Variants in DNAJC1 observed in about 807,000 individuals in gnomAD.
DNAJC1 encodes the protein dnaJ homolog subfamily C member 1.
In DNAJC1, 58 loss-of-function variants were observed where a neutral mutation model predicts 76.6. The observed-to-expected ratio is 0.76, with a 90% confidence interval of 0.61 to 0.94. DNAJC1 has a LOEUF of 0.94. Ranked by LOEUF, DNAJC1 falls within the 40% of genes least tolerant of loss-of-function variation. The probability of loss-of-function intolerance (pLI) is 0.00; values close to 1 mark genes in which losing one functional copy is unlikely to be tolerated. For synonymous variants in DNAJC1, 258 were observed against 267.9 expected, an observed-to-expected ratio of 0.96 and a Z score of 0.36; for missense variants, 689 against 677.3, an observed-to-expected ratio of 1.02 and a Z score of -0.19.
intron 7 of DNAJC1, among the ~76,000 whole-genome samples, chr10:21,885,632 T>A (rs1211143700): frequency 2.0e-5 from 3 of 152,060 alleles, no homozygotes; most frequent in Admixed American, 6.6e-5. Flanking sequence ...AAAACCGTAT[T>A]AAACACACTC....
intron 1 of DNAJC1, among the ~76,000 whole-genome samples, chr10:21,948,260 T>C (rs1312816294): frequency 6.6e-6 from 1 of 152,114 alleles, no homozygotes; most frequent in African/African-American, 2.4e-5. Context: ...CTGGCCCAAC[T>C]TGCAGTCTTG....
intron 9 of DNAJC1, among the ~76,000 whole-genome samples, chr10:21,790,010 T>TAAAAAAAAAAAAAAAAAAAA (rs35639440): frequency 4.4e-4 from 18 of 41,094 alleles, no homozygotes; most frequent in Non-Finnish European, 5.0e-4. Context: ...GCTCTGTCTT[T>TAAAAAAAAAAAAAAAAAAAA]AAAAAAAAAA....
intron 8 of DNAJC1, among the ~76,000 whole-genome samples, chr10:21,819,908 C>A (rs1484015452): frequency 6.6e-6 from 1 of 152,162 alleles, no homozygotes; most frequent in Non-Finnish European, 1.5e-5. Context: ...CCAGCCTGGG[C>A]AATGGAGCAA....
chr10:21,806,257 C>G (rs570670492), intron 8 of DNAJC1, among the ~76,000 whole-genome samples, 158 bp from the exon 9 acceptor site: 1 of 152,264 alleles, frequency 6.6e-6, no homozygotes, highest in Non-Finnish European at 1.5e-5. Flanking sequence ...CTAATAGTTT[C>G]AATAAAGATT....
intron 1 of DNAJC1, among the ~76,000 whole-genome samples, chr10:21,991,738 C>T (rs577354376): frequency 6.6e-6 from 1 of 152,250 alleles, no homozygotes; most frequent in African/African-American, 2.4e-5. Context: ...CATATTTAAG[C>T]ACTTAAAATG....
chr10:21,873,964 T>A (rs927544563), intron 8 of DNAJC1, among the ~76,000 whole-genome samples: 1 of 152,226 alleles, frequency 6.6e-6, no homozygotes, highest in African/African-American at 2.4e-5. Flanking sequence ...TTAATTGTAA[T>A]CCCTAGAGAA....
chr10:21,758,172 T>C (rs557061252), intron 11 of DNAJC1, among the ~76,000 whole-genome samples: 4 of 152,124 alleles, frequency 2.6e-5, no homozygotes, highest in Non-Finnish European at 2.9e-5. Flanking sequence ...GGGACATGCA[T>C]GGCCATGAGC....
At chr10:21,957,870 T>C (rs995401062) in intron 1 of DNAJC1, among the ~76,000 whole-genome samples, 4 of 152,180 alleles carry the variant, frequency 2.6e-5, no homozygotes, top group African/African-American at 9.7e-5. Context: ...TCCACTTTCT[T>C]TAAGTGATGG....
At chr10:21,998,319 G>A (rs570913780) in intron 1 of DNAJC1, among the ~76,000 whole-genome samples, 14 of 150,300 alleles carry the variant, frequency 9.3e-5, no homozygotes, top group African/African-American at 3.4e-4. Flanking sequence ...GAACCCAGGA[G>A]GCAGAGGTTG....
intron 8 of DNAJC1, among the ~76,000 whole-genome samples, chr10:21,826,247 A>AAAAAAAAAAAAAAG (rs1435710592): frequency 6.6e-5 from 10 of 151,188 alleles, no homozygotes; most frequent in African/African-American, 2.4e-4. Flanking sequence ...CAAAAAAAAA[A>AAAAAAAAAAAAAAG]AAGAAGAAGA....
intron 1 of DNAJC1, among the ~76,000 whole-genome samples, chr10:21,990,188 A>G (rs544284645): frequency 6.6e-6 from 1 of 152,166 alleles, no homozygotes; most frequent in African/African-American, 2.4e-5. Flanking sequence ...TTATTTTTCA[A>G]TCTTCCATAA....
intron 1 of DNAJC1, among the ~76,000 whole-genome samples, chr10:21,936,918 A>T (rs1837320992): frequency 6.6e-6 from 1 of 152,194 alleles, no homozygotes; most frequent in South Asian, 2.1e-4. Flanking sequence ...TAGCAAAAGT[A>T]AGTCATTCCT....
chr10:21,795,253 C>A (rs1287777302), intron 9 of DNAJC1, among the ~76,000 whole-genome samples: 1 of 151,932 alleles, frequency 6.6e-6, no homozygotes, highest in African/African-American at 2.4e-5. Flanking sequence ...GACAAATGAC[C>A]AATTAGTATA....
At chr10:21,990,236 T>C (rs1007484828) in intron 1 of DNAJC1, among the ~76,000 whole-genome samples, 1 of 152,186 alleles carries the variant, frequency 6.6e-6, no homozygotes, top group Non-Finnish European at 1.5e-5. Flanking sequence ...CTGGGAATTG[T>C]ATATAGTAAC....
chr10:21,850,498 A>C (rs1835734818), intron 8 of DNAJC1, among the ~76,000 whole-genome samples: 1 of 151,702 alleles, frequency 6.6e-6, no homozygotes, highest in Non-Finnish European at 1.5e-5. Flanking sequence ...TCCCATGTTC[A>C]TGTATTGGAA....
chr10:21,764,462 A>C (rs1366119087), intron 10 of DNAJC1, among the ~76,000 whole-genome samples: 1 of 152,232 alleles, frequency 6.6e-6, no homozygotes, highest in Non-Finnish European at 1.5e-5. Flanking sequence ...CTTAAGAAAC[A>C]GCCAAATACC....
chr10:21,866,560 G>C (rs1172379978), intron 8 of DNAJC1, among the ~76,000 whole-genome samples: 2 of 152,056 alleles, frequency 1.3e-5, no homozygotes, highest in Admixed American at 1.3e-4. Context: ...TGTTAACTGA[G>C]CAAGAAAAAA....
chr10:21,871,699 G>C (rs1397693514), intron 8 of DNAJC1, among the ~76,000 whole-genome samples: 2 of 151,988 alleles, frequency 1.3e-5, no homozygotes, highest in Non-Finnish European at 2.9e-5. Context: ...CCAGGCTGGA[G>C]TGCAGTGGCG....
chr10:21,825,952 C>G (rs1021951709), intron 8 of DNAJC1, among the ~76,000 whole-genome samples: 7 of 152,002 alleles, frequency 4.6e-5, no homozygotes, highest in African/African-American at 1.7e-4. Flanking sequence ...GAAAACATAT[C>G]GACCAGCTGC....
Sources: allele counts gnomAD v4.1 joint callset (sites outside exome capture counted in the v4.1 genomes callset), GRCh38; gene constraint gnomAD v4.1.1; transcripts MANE v1.5; gene names NCBI Gene and HGNC (gene_info 2026-07-23, HGNC 2026-07-21).